JADE3: variants seen among roughly 807,000 people sequenced by gnomAD.
JADE3 encodes the protein protein Jade-3.
Under a neutral mutation model 50.1 loss-of-function variants are expected in JADE3, and 2 were observed. That is an observed-to-expected ratio of 0.04 (90% CI 0.02 to 0.13). The LOEUF (loss-of-function observed/expected upper bound fraction) is 0.13. Among genes scored for constraint, JADE3 ranks in the 10% least tolerant of loss-of-function variants. The pLI, the probability that JADE3 is intolerant of heterozygous loss-of-function variation, is 1.00. For missense variants in JADE3, 475 were observed against 634.4 expected (o/e 0.75, Z 2.70); for synonymous variants, 218 against 232.9 (o/e 0.94, Z 0.58).
chrX:46,954,379 A>G (rs1345520322), intron 1 of JADE3, among the ~76,000 whole-genome samples: 1 of 111,713 alleles, frequency 9.0e-6, no homozygotes, highest in Non-Finnish European at 1.9e-5. Context: ...AATAGAAGAA[A>G]CTACTAAATA....
chrX:46,931,736 TTTAAA>T (rs1200211597), intron 1 of JADE3, among the ~76,000 whole-genome samples: 2 of 112,313 alleles, frequency 1.8e-5, no homozygotes, highest in African/African-American at 3.2e-5. Context: ...TATAAATTTT[TTTAAA>T]TTAAAGCGTA....
intron 1 of JADE3, among the ~76,000 whole-genome samples, chrX:46,927,850 A>G (rs868909297): frequency 8.9e-6 from 1 of 112,012 alleles, no homozygotes; most frequent in African/African-American, 3.2e-5. Flanking sequence ...AGCAGGCACC[A>G]AGGGCAGAGA....
intron 4 of JADE3, among the ~76,000 whole-genome samples, chrX:47,002,061 C>T (rs1277980878): frequency 9.0e-6 from 1 of 111,358 alleles, no homozygotes; most frequent in African/African-American, 3.3e-5. Flanking sequence ...TATAGATTGA[C>T]TTTTCGTCCA....
chrX:46,969,488 C>T (rs1927439476), intron 1 of JADE3, among the ~76,000 whole-genome samples: 1 of 112,498 alleles, frequency 8.9e-6, no homozygotes, highest in Non-Finnish European at 1.9e-5. Context: ...CTAAGCGTCA[C>T]ACTTCTCATC....
chrX:47,044,786 TTGAAG>T (rs1929339510), intron 8 of JADE3, among the ~76,000 whole-genome samples: 1 of 111,551 alleles, frequency 9.0e-6, no homozygotes, highest in Non-Finnish European at 1.9e-5. Flanking sequence ...GGGGATGAAG[TTGAAG>T]TGTAGAGTTT....
At chrX:46,980,536 A>G (rs1448605353) in intron 1 of JADE3, among the ~76,000 whole-genome samples, 2 of 110,528 alleles carry the variant, frequency 1.8e-5, no homozygotes, top group Non-Finnish European at 3.8e-5. Flanking sequence ...ATTTGGGCCA[A>G]GTTTGAAGAC....
chrX:47,057,312 G>A (rs1216661693), intron 10 of JADE3, among the ~76,000 whole-genome samples: 2 of 111,563 alleles, frequency 1.8e-5, no homozygotes, highest in African/African-American at 6.5e-5. Flanking sequence ...ATTTTTGTGA[G>A]GGTACAGTAA....
intron 4 of JADE3, among the ~76,000 whole-genome samples, chrX:47,020,283 A>G (rs1017460772): frequency 1.1e-4 from 12 of 109,627 alleles, no homozygotes. Context: ...GTAAGCTGTG[A>G]TCATGCCACT....
chrX:46,942,932 G>T (rs1304747680), intron 1 of JADE3, among the ~76,000 whole-genome samples: 2 of 111,626 alleles, frequency 1.8e-5, no homozygotes, highest in African/African-American at 6.5e-5. Flanking sequence ...TTGGTTAGAT[G>T]TATTCTAGGT....
chrX:46,976,996 C>T lies in JADE3; in HGVS notation c.-11-7888C>T, dbSNP rs189214521. ...GGTCAACTAAAGAGGGCTAGTCCTT[C>T]TATGGGGCTTTTCTTTCTTAAAAAA... On this transcript the variant is annotated intron_variant, in intron 1 of 10. Coordinates refer to ENST00000614628, the MANE Select transcript of JADE3 (RefSeq NM_014735.5). Among the ~76,000 whole-genome samples the T allele has an allele frequency of 2.7e-5, 3 of 111,840 alleles. No homozygotes were observed. The East Asian group carries it at 8.5e-4, about 32-fold the overall frequency.
chrX:46,973,368 T>C (rs1285581726), intron 1 of JADE3, among the ~76,000 whole-genome samples: 3 of 112,572 alleles, frequency 2.7e-5, no homozygotes, highest in Non-Finnish European at 5.6e-5. Flanking sequence ...TATATCTTAA[T>C]TTTAAAAAAT....
At chrX:46,950,238 A>G (rs1258907291) in intron 1 of JADE3, among the ~76,000 whole-genome samples, 1 of 111,846 alleles carries the variant, frequency 8.9e-6, no homozygotes, top group Non-Finnish European at 1.9e-5. Context: ...CATCTCCATA[A>G]CTCAGTTTTA....
At chrX:46,998,416 G>A in intron 4 of JADE3, 139 bp downstream of exon 4, 1 of 506,825 alleles carries the variant, frequency 2.0e-6, no homozygotes, top group African/African-American at 2.3e-5. Context: ...ACTCAGACCA[G>A]TGGCAGATTT....
intron 4 of JADE3, among the ~76,000 whole-genome samples, chrX:47,003,851 T>C (rs1928349555): frequency 2.0e-5 from 2 of 101,927 alleles, no homozygotes; most frequent in Admixed American, 2.3e-4. Flanking sequence ...TAAATTTATA[T>C]ATATAAATTT....
At position 46,922,836 on chromosome X, in the gene JADE3, A is replaced by G. The variant is rs782373812; in HGVS notation, c.-12+10117A>G. On this transcript the variant is annotated intron_variant, in intron 1 of 10. Coordinates refer to ENST00000614628, the MANE Select transcript of JADE3 (RefSeq NM_014735.5). ...CAACATCTGCATTTACTGAGTCTGG[A>G]TTTAGTAATTCCTTTGTCACTTGGA... Among the ~76,000 whole-genome samples the G allele has an allele frequency of 7.2e-5, 8 of 110,652 alleles. No individual in the cohort carries two copies. The East Asian group carries it at 1.4e-3, about 19-fold the overall frequency.
intron 1 of JADE3, among the ~76,000 whole-genome samples, chrX:46,920,897 A>G (rs1394482028): frequency 1.8e-5 from 2 of 111,710 alleles, no homozygotes; most frequent in African/African-American, 6.5e-5. Flanking sequence ...GTAATAGAGT[A>G]CTCTGGCTTT....
At chrX:47,012,824 AT>A (rs1222912912) in intron 4 of JADE3, among the ~76,000 whole-genome samples, 140 of 107,339 alleles carry the variant, frequency 1.3e-3, no homozygotes, top group African/African-American at 4.4e-3. Flanking sequence ...GTCCAAGTTC[AT>A]TTTTTTTTAT....
At chrX:46,995,282 G>A (rs952386138) in intron 3 of JADE3, among the ~76,000 whole-genome samples, 7 of 110,930 alleles carry the variant, frequency 6.3e-5, no homozygotes, top group Non-Finnish European at 9.4e-5. Flanking sequence ...ACCCGCCTTG[G>A]CCTCCCAAAG....
chrX:46,949,847 T>A (rs1481160299), intron 1 of JADE3, among the ~76,000 whole-genome samples: 1 of 111,856 alleles, frequency 8.9e-6, no homozygotes, highest in Non-Finnish European at 1.9e-5. Context: ...ATCTGGCTTA[T>A]TTTTGGTTTA....
Sources: allele counts gnomAD v4.1 joint callset (sites outside exome capture counted in the v4.1 genomes callset), GRCh38; gene constraint gnomAD v4.1.1; transcripts MANE v1.5; gene names NCBI Gene and HGNC (gene_info 2026-07-23, HGNC 2026-07-21).